PCDHGB7: variants seen among roughly 807,000 people sequenced by gnomAD.
The protein encoded by PCDHGB7 is protocadherin gamma subfamily B, 7.
PCDHGB7 carries 37 observed loss-of-function variants against 61.4 expected under a neutral mutation model. The ratio of observed to expected loss-of-function variants is 0.60; its 90% CI spans 0.46 to 0.79. The LOEUF (loss-of-function observed/expected upper bound fraction) is 0.79, where lower values mean the gene tolerates loss of function less well. Ranked by LOEUF, PCDHGB7 falls within the 30% of genes least tolerant of loss-of-function variation. PCDHGB7 has a pLI of 0.00. For missense variants in PCDHGB7, 1,166 were observed against 1,202.5 expected, an observed-to-expected ratio of 0.97 and a Z score of 0.45; for synonymous variants, 464 against 503.5, an observed-to-expected ratio of 0.92 and a Z score of 1.05.
intron 1 of PCDHGB7, among the ~76,000 whole-genome samples, chr5:141,437,450 G>A (rs2097885331): frequency 6.6e-6 from 1 of 152,148 alleles, no homozygotes; most frequent in Non-Finnish European, 1.5e-5. Context: ...GAATGTTGAG[G>A]AGACTATACT....
chr5:141,464,290 A>AC (rs1287070540), intron 1 of PCDHGB7, among the ~76,000 whole-genome samples: 1 of 149,916 alleles, frequency 6.7e-6, no homozygotes, highest in Non-Finnish European at 1.5e-5. Context: ...AAAAAAAAAA[A>AC]CTCCATTGTA....
chr5:141,478,819 C>T, intron 1 of PCDHGB7: 8 of 1,447,842 alleles, frequency 5.5e-6, no homozygotes, highest in South Asian at 3.0e-5. Flanking sequence ...CACAACTAAC[C>T]AATCTTGCTA....
chr5:141,464,043 T>C (rs2099074643), intron 1 of PCDHGB7, among the ~76,000 whole-genome samples: 2 of 152,074 alleles, frequency 1.3e-5, no homozygotes, highest in African/African-American at 4.8e-5. Context: ...GGCGGGTGGA[T>C]CACCTGAGGT....
rs909984738 is a variant in PCDHGB7, at chr5:141,419,507, G to A, written c.1648G>A (p.Val550Met). ...GCTCAGCGCCAATGTGAGCCTGCGC[G>A]TGTTGGTGGGCGACCGTAACGACAA... The part of the protein sequence containing the change: ...PALSANVSLR[V>M]LVGDRNDNAP... Residue 550 changes from valine (V) to methionine (M), a missense_variant, in exon 1 of 4, where the codon GTG (valine) becomes ATG (methionine). By Grantham distance (21) the Val-to-Met change is conservative (BLOSUM62 1). Transcript: ENST00000398594. 2 of 1,612,198 alleles carry A rather than the reference G, an allele frequency of 1.2e-6. No homozygotes were observed. The highest frequency in any genetic ancestry group is 1.7e-6 in the Non-Finnish European group (2 of 1,179,512).
Position 141,490,672 on chromosome 5 carries a change from G to T in PCDHGB7, c.2416-4135G>T. The T allele has an allele frequency of 6.2e-7, 1 of 1,614,114 alleles. No homozygotes were observed. Among genetic ancestry groups the T allele is most frequent in the Non-Finnish European group, 8.5e-7 (1 of 1,179,996 alleles). ...GGGCTCCCTTCTTTGCACTGTGGCT[G>T]CCTCAGATCCAGACACTGGGGATAA... On this transcript the variant is annotated intron_variant, in intron 1 of 3. Coordinates refer to ENST00000398594, the MANE Select transcript of PCDHGB7 (RefSeq NM_018927.4). The surrounding 1 kb of genome is among the most constrained non-coding windows in gnomAD (Gnocchi z 5.4).
Position 141,432,623 on chromosome 5 carries a change from C to T in PCDHGB7, c.2415+12349C>T, listed in dbSNP as rs1047752183. Reference sequence around the variant, plus strand: ...GCCGGGACTCTTCTCGGTGGGTCTGCACACGGGCGAGGTGCGCACGGCGCG... The same window carrying T: ...GCCGGGACTCTTCTCGGTGGGTCTGTACACGGGCGAGGTGCGCACGGCGCG... On this transcript the variant is annotated intron_variant, in intron 1 of 3. Coordinates refer to ENST00000398594, the MANE Select transcript of PCDHGB7 (RefSeq NM_018927.4). The surrounding 1 kb of genome is among the most constrained non-coding windows in gnomAD (Gnocchi z 6.0). The T allele has an allele frequency of 1.2e-6, 2 of 1,613,196 alleles. No homozygotes were observed. The highest frequency in any genetic ancestry group is 2.2e-5 in the East Asian group (1 of 44,792).
intron 1 of PCDHGB7, chr5:141,426,739 GC>G (rs1345744337): frequency 8.8e-6 from 4 of 453,408 alleles, no homozygotes; most frequent in Non-Finnish European, 1.8e-5. Flanking sequence ...ATTCGGTTTG[GC>G]CTGGAATCTG....
At chr5:141,424,959 C>A (rs1561817087) in intron 1 of PCDHGB7, among the ~76,000 whole-genome samples, 4 of 152,152 alleles carry the variant, frequency 2.6e-5, no homozygotes, top group Non-Finnish European at 5.9e-5. Flanking sequence ...TAGGTATTTG[C>A]CCCAAATTAC....
chr5:141,481,229 A>G (rs989963485), intron 1 of PCDHGB7, among the ~76,000 whole-genome samples: 5 of 152,212 alleles, frequency 3.3e-5, no homozygotes, highest in African/African-American at 4.8e-5. Context: ...TCCCAGCCTT[A>G]AAGTATTACA....
chr5:141,435,558 T>C (rs1401876733), intron 1 of PCDHGB7, among the ~76,000 whole-genome samples: 1 of 152,136 alleles, frequency 6.6e-6, no homozygotes, highest in Non-Finnish European at 1.5e-5. Flanking sequence ...TTTTGAGTGC[T>C]TTTTTTAGTA....
chr5:141,501,013 C>A (rs1456343329), intron 2 of PCDHGB7, among the ~76,000 whole-genome samples: 6 of 151,970 alleles, frequency 3.9e-5, no homozygotes, highest in Non-Finnish European at 8.8e-5. Flanking sequence ...GGACTACAGG[C>A]ACGCGCCACC....
At position 141,505,908 on chromosome 5, in the gene PCDHGB7, T is replaced by C. The variant is rs114551975; in HGVS notation, c.2563+427T>C. On this transcript the variant is annotated intron_variant, in intron 3 of 3. Coordinates refer to ENST00000398594, the MANE Select transcript of PCDHGB7 (RefSeq NM_018927.4). ...TTAAATGAGATGATACCACAAAGCATAGAGTTCTGGGCCTGGCGCTTGGAA... is the reference window on the plus strand; with the variant it reads ...TTAAATGAGATGATACCACAAAGCACAGAGTTCTGGGCCTGGCGCTTGGAA... 4.0e-3 allele frequency among the ~76,000 whole-genome samples: 608 copies of C among 152,218 alleles called. 3 individuals are homozygous for C. The highest frequency in any genetic ancestry group is 0.013 in the African/African-American group (551 of 41,540).
rs765047622 is a variant in PCDHGB7 at position 141,486,776 on chromosome 5, G to A, written c.2416-8031G>A. On this transcript the variant is annotated intron_variant, in intron 1 of 3. Coordinates refer to ENST00000398594, the MANE Select transcript of PCDHGB7 (RefSeq NM_018927.4). This position sits in a 1 kb window ranked among gnomAD's most constrained non-coding sequence, Gnocchi z 5.0. ...GCAAACCCAGACACTGCAGTTTGAGGTGCAGGCCCGGGATCGGGGCAACCC... is the reference window on the plus strand; with the variant it reads ...GCAAACCCAGACACTGCAGTTTGAGATGCAGGCCCGGGATCGGGGCAACCC... 1.2e-6 allele frequency: 2 copies of A among 1,614,254 alleles called. No individual in the cohort carries two copies. Among genetic ancestry groups the A allele is most frequent in the Non-Finnish European group, 1.7e-6 (2 of 1,180,050 alleles).
chr5:141,509,132 G>A (rs1261849657), intron 3 of PCDHGB7, among the ~76,000 whole-genome samples: 1 of 152,150 alleles, frequency 6.6e-6, no homozygotes, highest in Admixed American at 6.5e-5. Flanking sequence ...GAGAAAAACC[G>A]AGGCGCATCC....
chr5:141,422,043 G>A (rs1307532347), intron 1 of PCDHGB7: 13 of 1,611,504 alleles, frequency 8.1e-6, no homozygotes, highest in African/African-American at 1.3e-5. Flanking sequence ...ATCCAGACGA[G>A]GGAATCAACG....
At chr5:141,505,827 TCA>T (rs1197972266) in intron 3 of PCDHGB7, among the ~76,000 whole-genome samples, 4 of 152,072 alleles carry the variant, frequency 2.6e-5, no homozygotes, top group South Asian at 4.1e-4. Context: ...TCTCTAAACC[TCA>T]GTTTCCTCAG....
In PCDHGB7 at chr5:141,489,684, T is replaced by C. The variant is rs2099690710; in HGVS notation, c.2416-5123T>C. 1.2e-6 allele frequency: 2 copies of C among 1,614,062 alleles called. No individual in the cohort carries two copies. The highest frequency in any genetic ancestry group is 8.5e-7 in the Non-Finnish European group (1 of 1,180,034). On this transcript the variant is annotated intron_variant, in intron 1 of 3. Coordinates refer to ENST00000398594, the MANE Select transcript of PCDHGB7 (RefSeq NM_018927.4). This position sits in a 1 kb window ranked among gnomAD's most constrained non-coding sequence, Gnocchi z 4.5. ...TGCGCATCTCAGAATCAGCAGCATCTGGGGCACGATTCCCACTGGACAGTG... is the reference window on the plus strand; with the variant it reads ...TGCGCATCTCAGAATCAGCAGCATCCGGGGCACGATTCCCACTGGACAGTG...
rs145025535 is a variant in PCDHGB7 at position 141,457,569 on chromosome 5, T to A, written c.2416-37238T>A. 2.5e-3 allele frequency among the ~76,000 whole-genome samples: 376 copies of A among 152,304 alleles called. 1 individual carries two copies. Among genetic ancestry groups the A allele is most frequent in the African/African-American group, 8.6e-3 (357 of 41,554 alleles). On this transcript the variant is annotated intron_variant, in intron 1 of 3. Transcript: ENST00000398594. Reference sequence around the variant, plus strand: ...TGTATGATAAGCTTTGGAGCAAAATTTTTCTCTCCAGTCCTCATTTTTGGT... The same window carrying A: ...TGTATGATAAGCTTTGGAGCAAAATATTTCTCTCCAGTCCTCATTTTTGGT...
chr5:141,453,732 C>T (rs182118864), intron 1 of PCDHGB7, among the ~76,000 whole-genome samples: 9 of 152,332 alleles, frequency 5.9e-5, no homozygotes. Context: ...TTTGTTACTA[C>T]AGCTTAAATA....
Sources: gnomAD v4.1 joint callset for allele counts (sites outside exome capture counted in the v4.1 genomes callset) on GRCh38, gnomAD v4.1.1 for gene constraint, Gnocchi (gnomAD v3.1) non-coding constraint, MANE v1.5 for transcripts, NCBI Gene and HGNC (gene_info 2026-07-23, HGNC 2026-07-21) for gene names.